Variants in PPA1 observed in about 807,000 individuals in gnomAD.
PPA1 encodes inorganic pyrophosphatase.
In PPA1, 23 loss-of-function variants were observed where a neutral mutation model predicts 41.8. The observed-to-expected ratio is 0.55, with a 90% CI of 0.40 to 0.78. The LOEUF is 0.78. Among genes scored for constraint, PPA1 ranks in the 30% least tolerant of loss-of-function variants. PPA1 has a pLI of 0.00. For missense variants in PPA1, 320 were observed against 361.6 expected, an observed-to-expected ratio of 0.89 and a Z score of 0.93; for synonymous variants, 101 against 116.8, an observed-to-expected ratio of 0.86 and a Z score of 0.87.
intron 2 of PPA1, among the ~76,000 whole-genome samples, chr10:70,220,979 ACT>A (rs1338100575): frequency 2.3e-5 from 1 of 44,350 alleles, no homozygotes; most frequent in African/African-American, 1.0e-4. Flanking sequence ...TTATATATAT[ACT>A]ATATATATAA....
chr10:70,209,484 A>G (rs1388902491), intron 7 of PPA1, 74 bp downstream of exon 7: 4 of 1,488,578 alleles, frequency 2.7e-6, no homozygotes, highest in Non-Finnish European at 3.6e-6. Flanking sequence ...GAATCTTTAG[A>G]TGGTAACAAT....
intron 2 of PPA1, among the ~76,000 whole-genome samples, chr10:70,221,920 T>C (rs1205721451): frequency 6.6e-6 from 1 of 152,094 alleles, no homozygotes; most frequent in Non-Finnish European, 1.5e-5. Context: ...TATTACCTAA[T>C]AACATAAATC....
intron 6 of PPA1, among the ~76,000 whole-genome samples, chr10:70,210,807 C>T (rs1840009276): frequency 6.7e-6 from 1 of 149,816 alleles, no homozygotes; most frequent in African/African-American, 2.5e-5. Context: ...GCTCTGTCTC[C>T]CAGGCTGGAG....
chr10:70,225,027 A>G (rs1466326341), intron 2 of PPA1, among the ~76,000 whole-genome samples: 1 of 152,238 alleles, frequency 6.6e-6, no homozygotes, highest in Non-Finnish European at 1.5e-5. Context: ...CACCGCGCCC[A>G]GCATTGAGAT....
chr10:70,228,898 C>CAT (rs1296512042), intron 2 of PPA1, among the ~76,000 whole-genome samples: 1 of 152,224 alleles, frequency 6.6e-6, no homozygotes, highest in Non-Finnish European at 1.5e-5. Flanking sequence ...ACAGCACACA[C>CAT]AAGAACAAAA....
chr10:70,225,756 C>T (rs781607188), intron 2 of PPA1, among the ~76,000 whole-genome samples: 4 of 151,402 alleles, frequency 2.6e-5, no homozygotes, highest in Non-Finnish European at 5.9e-5. Flanking sequence ...AAGATGCTTT[C>T]GAAAAGGTAT....
intron 2 of PPA1, among the ~76,000 whole-genome samples, chr10:70,219,930 A>G (rs1313705187): frequency 6.6e-6 from 1 of 152,148 alleles, no homozygotes; most frequent in Non-Finnish European, 1.5e-5. Context: ...TACAAAGGGC[A>G]CAGATGAAGC....
intron 10 of PPA1, 47 bp downstream of exon 10, chr10:70,204,826 A>G (rs1248626791): frequency 3.5e-6 from 5 of 1,435,080 alleles, no homozygotes; most frequent in East Asian, 2.3e-5. Flanking sequence ...TAATTTTTCC[A>G]TAACTGTGTA....
chr10:70,222,231 G>A (rs1344903608), intron 2 of PPA1, among the ~76,000 whole-genome samples: 1 of 151,492 alleles, frequency 6.6e-6, no homozygotes, highest in Non-Finnish European at 1.5e-5. Context: ...AGCTACTCGG[G>A]AGGCTGAGGC....
intron 1 of PPA1, among the ~76,000 whole-genome samples, chr10:70,231,496 G>A (rs1840289303): frequency 6.6e-6 from 1 of 152,220 alleles, no homozygotes; most frequent in Admixed American, 6.5e-5. Context: ...GAACCCGGGA[G>A]GCTGAAGTTG....
chr10:70,211,352 T>C lies in PPA1; in HGVS notation c.512-1667A>G, dbSNP rs547026168. On this transcript the variant is annotated intron_variant, in intron 6 of 10. Coordinates refer to ENST00000373232, the MANE Select transcript of PPA1 (RefSeq NM_021129.4). ...CACTGTGATTCTGATACTATCTACCTGGAGTTAGCATCAGATCTCAAAGGT... is the reference window on the plus strand; with the variant it reads ...CACTGTGATTCTGATACTATCTACCCGGAGTTAGCATCAGATCTCAAAGGT... 9.8e-5 allele frequency among the ~76,000 whole-genome samples: 15 copies of C among 152,308 alleles called. No individual in the cohort carries two copies. In the South Asian group the frequency reaches 2.7e-3, roughly 27 times the overall value.
At chr10:70,232,414 A>G (rs942352409) in intron 1 of PPA1, among the ~76,000 whole-genome samples, 1 of 152,182 alleles carries the variant, frequency 6.6e-6, no homozygotes, top group Non-Finnish European at 1.5e-5. Flanking sequence ...AAAAACCCCA[A>G]GTAGCTTTCC....
At chr10:70,222,993 C>A (rs993093204) in intron 2 of PPA1, among the ~76,000 whole-genome samples, 4 of 152,036 alleles carry the variant, frequency 2.6e-5, no homozygotes, top group African/African-American at 7.2e-5. Context: ...TCATCCATGT[C>A]CCTACAAAGG....
chr10:70,226,516 A>G (rs1213957286), intron 2 of PPA1, among the ~76,000 whole-genome samples: 1 of 152,066 alleles, frequency 6.6e-6, no homozygotes, highest in African/African-American at 2.4e-5. Flanking sequence ...CCAAGATCAC[A>G]GCACTGCATG....
chr10:70,208,070 A>G (rs1437693140), intron 8 of PPA1, among the ~76,000 whole-genome samples: 1 of 152,086 alleles, frequency 6.6e-6, no homozygotes, highest in African/African-American at 2.4e-5. Flanking sequence ...TGCGCCTGTA[A>G]TCCCAGCTAC....
intron 8 of PPA1, among the ~76,000 whole-genome samples, chr10:70,206,974 C>T (rs555042690): frequency 1.4e-5 from 2 of 147,602 alleles, no homozygotes; most frequent in East Asian, 2.1e-4. Context: ...AATTGAGAAA[C>T]ATATCTTTCT....
chr10:70,221,076 A>ATATATATATATATTTTTTT (rs1224550178), intron 2 of PPA1, among the ~76,000 whole-genome samples: 1 of 40,050 alleles, frequency 2.5e-5, no homozygotes, highest in African/African-American at 2.0e-4. Context: ...ATATATATAT[A>ATATATATATATATTTTTTT]TTTTTTTTTT....
At chr10:70,208,202 A>C (rs1839969911) in intron 8 of PPA1, among the ~76,000 whole-genome samples, 1 of 152,252 alleles carries the variant, frequency 6.6e-6, no homozygotes, top group Admixed American at 6.5e-5. Flanking sequence ...GAAAACAACA[A>C]CAACAAAGAA....
At chr10:70,226,686 A>T (rs1840233752) in intron 2 of PPA1, among the ~76,000 whole-genome samples, 1 of 152,240 alleles carries the variant, frequency 6.6e-6, no homozygotes. Flanking sequence ...TACAAAATCA[A>T]GCAAAAGGGT....
Sources: gnomAD v4.1 joint callset for allele counts (sites outside exome capture counted in the v4.1 genomes callset) on GRCh38, gnomAD v4.1.1 for gene constraint, MANE v1.5 for transcripts, NCBI Gene and HGNC (gene_info 2026-07-23, HGNC 2026-07-21) for gene names.